The following LOC400499 variants were observed in gnomAD, a reference collection of about 807,000 sequenced individuals.
At chr16:11,384,818 G>C in the LOC400499 span, 1 of 1,216,746 alleles carries the variant, frequency 8.2e-7, no homozygotes, top group Non-Finnish European at 1.0e-6. Flanking sequence ...TGCCGCCCTG[G>C]AAGCTTAAAG....
chr16:11,497,891 G>C, the LOC400499 span, among the ~76,000 whole-genome samples: 1 of 151,950 alleles, frequency 6.6e-6, no homozygotes, highest in Admixed American at 6.6e-5. Context: ...CTCTAACGAA[G>C]GCTTACTTAC....
At chr16:11,487,935 G>A in the LOC400499 span, among the ~76,000 whole-genome samples, 1 of 152,070 alleles carries the variant, frequency 6.6e-6, no homozygotes, top group African/African-American at 2.4e-5. Flanking sequence ...CCAGCATGGT[G>A]AAACCCCATC....
At chr16:11,443,343 AAAAAAAAAAAAAAAAT>A in the LOC400499 span, 2 of 378,680 alleles carry the variant, frequency 5.3e-6, no homozygotes, top group Non-Finnish European at 5.1e-6. Flanking sequence ...AAAAAAAAAA[AAAAAAAAAAAAAAAAT>A]GATCGGAGGG....
At chr16:11,383,085 A>T in the LOC400499 span, among the ~76,000 whole-genome samples, 1 of 117,124 alleles carries the variant, frequency 8.5e-6, no homozygotes, top group Non-Finnish European at 1.9e-5. Context: ...TTTTTTTTTG[A>T]GACGGAGTCT....
At chr16:11,385,444 T>C in the LOC400499 span, 13 of 1,228,518 alleles carry the variant, frequency 1.1e-5, no homozygotes, top group African/African-American at 6.2e-5. Context: ...AAAGGCAGGG[T>C]GAGCGGGGCC....
At chr16:11,392,353 C>T in the LOC400499 span, 2 of 399,022 alleles carry the variant, frequency 5.0e-6, no homozygotes, top group Non-Finnish European at 4.4e-6. Flanking sequence ...GGCAGCCGCG[C>T]GCGGCCAGCA....
chr16:11,374,339 A>T, the LOC400499 span, among the ~76,000 whole-genome samples: 3 of 152,238 alleles, frequency 2.0e-5, no homozygotes, highest in Non-Finnish European at 4.4e-5. Context: ...AAAAAATTTT[A>T]AATGTAGTTA....
chr16:11,403,469 A>ACATGAGCACACATACACT, the LOC400499 span, among the ~76,000 whole-genome samples: 10 of 147,582 alleles, frequency 6.8e-5, no homozygotes, highest in South Asian at 1.9e-3. Context: ...ACACATACAC[A>ACATGAGCACACATACACT]CATGAGCACA....
chr16:11,426,210 C>G, the LOC400499 span, among the ~76,000 whole-genome samples: 1 of 151,780 alleles, frequency 6.6e-6, no homozygotes, highest in Non-Finnish European at 1.5e-5. Flanking sequence ...CTGAGACAGG[C>G]AGATCACTTG....
At chr16:11,397,797 G>GGATGGATGGATGGATGGATGGATGGAT in the LOC400499 span, among the ~76,000 whole-genome samples, 7 of 142,370 alleles carry the variant, frequency 4.9e-5, no homozygotes, top group African/African-American at 1.9e-4. Flanking sequence ...GAGGGAGGGA[G>GGATGGATGGATGGATGGATGGATGGAT]GGATGGACGG....
the LOC400499 span, among the ~76,000 whole-genome samples, chr16:11,426,579 T>C: frequency 6.6e-6 from 1 of 151,920 alleles, no homozygotes; most frequent in Non-Finnish European, 1.5e-5. Context: ...TTCAATATTA[T>C]ATACTGTATT....
At chr16:11,456,194 G>A in the LOC400499 span, among the ~76,000 whole-genome samples, 1 of 152,068 alleles carries the variant, frequency 6.6e-6, no homozygotes, top group Non-Finnish European at 1.5e-5. Context: ...ACAGGTGCCT[G>A]CCACCACACA....
At chr16:11,400,696 C>G in the LOC400499 span, among the ~76,000 whole-genome samples, 1 of 152,098 alleles carries the variant, frequency 6.6e-6, no homozygotes, top group African/African-American at 2.4e-5. Flanking sequence ...TGGCCTCGGC[C>G]TCCCTCAGTG....
chr16:11,481,020 A>C, the LOC400499 span, among the ~76,000 whole-genome samples: 3 of 152,262 alleles, frequency 2.0e-5, no homozygotes, highest in Admixed American at 6.5e-5. Flanking sequence ...ACTTGACCTT[A>C]GTTAGGAATG....
At chr16:11,443,867 C>G in the LOC400499 span, among the ~76,000 whole-genome samples, 3 of 150,926 alleles carry the variant, frequency 2.0e-5, no homozygotes, top group African/African-American at 7.3e-5. Context: ...CCAAGTCTCT[C>G]TCTGTCACCA....
chr16:11,441,457 C>T, the LOC400499 span, among the ~76,000 whole-genome samples: 1 of 152,156 alleles, frequency 6.6e-6, no homozygotes, highest in Non-Finnish European at 1.5e-5. Context: ...GCCTGAAACC[C>T]CAAGGTCAAA....
chr16:11,398,450 G>C, the LOC400499 span: 3 of 1,232,142 alleles, frequency 2.4e-6, no homozygotes, highest in Non-Finnish European at 3.0e-6. Context: ...AAGAGGCCCC[G>C]AGGACGTGCT....
chr16:11,462,384 G>C, the LOC400499 span: 1 of 1,381,872 alleles, frequency 7.2e-7, no homozygotes, highest in Non-Finnish European at 9.3e-7. Flanking sequence ...GGACCAGACA[G>C]GGCAGGAGAC....
the LOC400499 span, chr16:11,399,706 C>T: frequency 7.5e-6 from 3 of 398,768 alleles, no homozygotes; most frequent in Non-Finnish European, 4.4e-6. Context: ...ACATACCTGC[C>T]CCGGGGAGGC....
Sources: gnomAD v4.1 joint callset for allele counts (sites outside exome capture counted in the v4.1 genomes callset) on GRCh38, gnomAD v4.1.1 for gene constraint, MANE v1.5 for transcripts.